The following ALPK2 variants were observed in gnomAD, a reference collection of about 807,000 sequenced individuals.
ALPK2 encodes alpha kinase 2, also known as alpha-protein kinase 2.
Under a neutral mutation model 163.1 loss-of-function variants are expected in ALPK2, and 127 were observed. That is an observed-to-expected ratio of 0.78 (90% CI 0.67 to 0.90). The LOEUF is 0.90. Ranked by LOEUF, ALPK2 falls within the 40% of genes least tolerant of loss-of-function variation. The probability of loss-of-function intolerance (pLI) is 0.00; values close to 1 mark genes in which losing one functional copy is unlikely to be tolerated. For synonymous variants in ALPK2, 953 were observed against 959.1 expected, an observed-to-expected ratio of 0.99 and a Z score of 0.12; for missense variants, 2,360 against 2,589.6, an observed-to-expected ratio of 0.91 and a Z score of 1.92.
chr18:58,564,021 A>G (rs76870279), intron 4 of ALPK2, among the ~76,000 whole-genome samples: 2,629 of 152,236 alleles, frequency 0.017, 76 homozygotes, highest in African/African-American at 0.06. Context: ...ATTAAGAACA[A>G]TCTCTGAAAA....
chr18:58,488,350 T>G (rs754596233), intron 12 of ALPK2, among the ~76,000 whole-genome samples: 1 of 149,764 alleles, frequency 6.7e-6, no homozygotes, highest in Non-Finnish European at 1.5e-5. Flanking sequence ...TAAGAACGAT[T>G]CCTCTCTCCT....
At position 58,504,419 on chromosome 18, in the gene ALPK2, A is replaced by G. The variant is rs553656127; in HGVS notation, c.6030-271T>C. 9.8e-5 allele frequency among the ~76,000 whole-genome samples: 15 copies of G among 152,342 alleles called. 1 individual carries two copies. The South Asian group carries it at 1.5e-3, about 15-fold the overall frequency. On this transcript the variant is annotated intron_variant, in intron 10 of 12. Transcript: ENST00000361673. The stretch of plus-strand genomic sequence containing the variant: ...GTAGTCATATCTTAATGACCCATCA[A>G]TCAATGACTATAATCTGTATATCCA...
intron 12 of ALPK2, among the ~76,000 whole-genome samples, chr18:58,490,989 G>A (rs570048220): frequency 1.3e-5 from 2 of 152,334 alleles, no homozygotes; most frequent in South Asian, 2.1e-4. Flanking sequence ...ACAAAGAACC[G>A]AGGAGGGGGC....
At chr18:58,625,316 A>G (rs919360095) in intron 1 of ALPK2, among the ~76,000 whole-genome samples, 2 of 152,194 alleles carry the variant, frequency 1.3e-5, no homozygotes, top group Non-Finnish European at 2.9e-5. Context: ...TTAACCTTTT[A>G]TGTTTACAGC....
intron 4 of ALPK2, among the ~76,000 whole-genome samples, chr18:58,576,080 A>G (rs7243419): frequency 0.16 from 24,437 of 152,218 alleles, 2,174 homozygotes; most frequent in African/African-American, 0.22. Flanking sequence ...AGACTCAAGA[A>G]TGGGCAAATT....
Position 58,622,218 on chromosome 18 carries a change from A to G in ALPK2, c.-21+6546T>C, listed in dbSNP as rs796370594. ...AAAAATTAGCCGGGTGTGGTGGCAC[A>G]CACCTGTAATCCCAGCCACTTGGGA... On this transcript the variant is annotated intron_variant, in intron 1 of 12. Transcript: ENST00000361673. Among the ~76,000 whole-genome samples the G allele has an allele frequency of 4.6e-5, 7 of 152,120 alleles. No homozygotes were observed. In the South Asian group the frequency reaches 8.3e-4, roughly 18 times the overall value.
intron 10 of ALPK2, among the ~76,000 whole-genome samples, chr18:58,505,366 G>A (rs2144114530): frequency 6.6e-6 from 1 of 152,108 alleles, no homozygotes; most frequent in East Asian, 1.9e-4. Flanking sequence ...TGTGCAGACT[G>A]AAGGTTTAGG....
chr18:58,615,840 A>T (rs890692615), intron 1 of ALPK2, among the ~76,000 whole-genome samples: 1 of 152,250 alleles, frequency 6.6e-6, no homozygotes, highest in African/African-American at 2.4e-5. Context: ...ACTCCTCCCC[A>T]GGTGATGACT....
chr18:58,537,481 A>G lies in ALPK2; in HGVS notation c.2706T>C (p.Ala902=), dbSNP rs1451926362. Residue 902 remains alanine, a synonymous_variant, in exon 5 of 13, where the codon GCT becomes GCC. Transcript: ENST00000361673. ...GATTTTCTCCTGTGGCACCTTCACT[A>G]GCTGTGTGTGAAATGTTCAAGGTGA... ...STFTLNISHT[A]SEGATGENLA... The G allele has an allele frequency of 3.7e-6, 6 of 1,612,088 alleles. No individual in the cohort carries two copies. Among genetic ancestry groups the G allele is most frequent in the Non-Finnish European group, 5.1e-6 (6 of 1,178,550 alleles).
intron 1 of ALPK2, among the ~76,000 whole-genome samples, chr18:58,619,411 G>A: frequency 6.6e-6 from 1 of 152,204 alleles, no homozygotes; most frequent in Non-Finnish European, 1.5e-5. Flanking sequence ...TATTCGTGAG[G>A]ATGTGGAAAA....
chr18:58,540,020 T>C (rs2051682129), intron 4 of ALPK2, among the ~76,000 whole-genome samples: 1 of 152,250 alleles, frequency 6.6e-6, no homozygotes, highest in African/African-American at 2.4e-5. Flanking sequence ...GACTACTTAA[T>C]CTTTTCAACA....
At chr18:58,484,730 G>A (rs901222125) in intron 12 of ALPK2, among the ~76,000 whole-genome samples, 3 of 146,254 alleles carry the variant, frequency 2.1e-5, no homozygotes, top group Non-Finnish European at 4.5e-5. Context: ...GCGACAGAGC[G>A]AGACTTCGTC....
chr18:58,618,560 T>A (rs1006212858), intron 1 of ALPK2, among the ~76,000 whole-genome samples: 5 of 152,234 alleles, frequency 3.3e-5, no homozygotes, highest in African/African-American at 1.2e-4. Context: ...TTATGGAATT[T>A]GAGTCAGTCT....
chr18:58,551,339 T>A (rs1280649159), intron 4 of ALPK2, among the ~76,000 whole-genome samples: 1 of 152,160 alleles, frequency 6.6e-6, no homozygotes, highest in African/African-American at 2.4e-5. Flanking sequence ...CTCCTGGCCA[T>A]CCTTGCCATT....
chr18:58,548,860 C>T (rs914188427), intron 4 of ALPK2, among the ~76,000 whole-genome samples: 1 of 152,106 alleles, frequency 6.6e-6, no homozygotes, highest in Non-Finnish European at 1.5e-5. Context: ...TCTATCCAGT[C>T]TGATCTTTGT....
At chr18:58,610,432 A>G (rs568349148) in intron 2 of ALPK2, among the ~76,000 whole-genome samples, 41 of 152,240 alleles carry the variant, frequency 2.7e-4, no homozygotes, top group Admixed American at 1.6e-3. Context: ...TTCCCTACCC[A>G]ATTGTTTTAT....
At chr18:58,496,383 G>T (rs1222331657) in intron 12 of ALPK2, among the ~76,000 whole-genome samples, 1 of 152,198 alleles carries the variant, frequency 6.6e-6, no homozygotes, top group Non-Finnish European at 1.5e-5. Context: ...CAGGGGAGAA[G>T]CCTGGAGACA....
chr18:58,484,147 T>A (rs1421103515), intron 12 of ALPK2, among the ~76,000 whole-genome samples: 1 of 152,176 alleles, frequency 6.6e-6, no homozygotes, highest in Non-Finnish European at 1.5e-5. Context: ...AAGAGTGGGA[T>A]GCTTTTATTT....
intron 4 of ALPK2, among the ~76,000 whole-genome samples, chr18:58,554,010 C>T (rs946512060): frequency 5.9e-5 from 9 of 151,826 alleles, no homozygotes; most frequent in East Asian, 1.9e-4. Context: ...TACAGGTGTG[C>T]GCCACAAAGC....
Sources: allele counts gnomAD v4.1 joint callset (sites outside exome capture counted in the v4.1 genomes callset), GRCh38; gene constraint gnomAD v4.1.1; transcripts MANE v1.5; gene names NCBI Gene and HGNC (gene_info 2026-07-23, HGNC 2026-07-21).